AGK: variants seen among roughly 807,000 people sequenced by gnomAD.
AGK encodes acylglycerol kinase.
AGK carries 52 observed loss-of-function variants against 66.4 expected under a neutral mutation model. That is an observed-to-expected ratio of 0.78 (90% CI 0.63 to 0.99). AGK has a LOEUF of 0.99. Among genes scored for constraint, AGK ranks in the 50% least tolerant of loss-of-function variants. The pLI is 0.00. For synonymous variants in AGK, 182 were observed against 181.1 expected, an observed-to-expected ratio of 1.00 and a Z score of -0.04; for missense variants, 451 against 506.6, an observed-to-expected ratio of 0.89 and a Z score of 1.05.
chr7:141,570,426 A>T (rs918409961), intron 2 of AGK, among the ~76,000 whole-genome samples: 4 of 152,202 alleles, frequency 2.6e-5, no homozygotes, highest in African/African-American at 9.6e-5. Context: ...ATAAGGCACT[A>T]CTATGTGCTA....
At chr7:141,577,183 G>C (rs1795761621) in intron 2 of AGK, among the ~76,000 whole-genome samples, 2 of 152,180 alleles carry the variant, frequency 1.3e-5, no homozygotes, top group African/African-American at 4.8e-5. Flanking sequence ...AGCGGTGAGA[G>C]GGACAGGCCT....
chr7:141,568,146 G>A (rs1216212921), intron 2 of AGK, among the ~76,000 whole-genome samples: 1 of 152,188 alleles, frequency 6.6e-6, no homozygotes, highest in Non-Finnish European at 1.5e-5. Context: ...AGGGAGATGT[G>A]GATCTGCCAG....
At chr7:141,551,886 G>A (rs1382954696) in intron 1 of AGK, among the ~76,000 whole-genome samples, 2 of 152,184 alleles carry the variant, frequency 1.3e-5, no homozygotes, top group Non-Finnish European at 2.9e-5. Context: ...CCCATGAGGG[G>A]TTCACTATCT....
intron 11 of AGK, among the ~76,000 whole-genome samples, chr7:141,639,879 C>G (rs1213939250): frequency 6.6e-6 from 1 of 152,130 alleles, no homozygotes; most frequent in Non-Finnish European, 1.5e-5. Context: ...AATGACAAGG[C>G]TGATCCAGAA....
rs1797664254 is a variant in AGK, at chr7:141,655,097, TG to T, written c.*2175del. 6.6e-6 allele frequency: 1 copy of T among 152,256 alleles called. No homozygotes were observed. The highest frequency in any genetic ancestry group is 2.4e-5 in the African/African-American group (1 of 41,470). 9.4% of individuals were successfully genotyped at this position (152,256 alleles called of 1,614,324 possible). ...CAATATCAAGGACCAGTGCAGAATC[TG>T]GCTTTCTTTTCTGATAGGCTACCAG... is the stretch of plus-strand genomic sequence containing the variant. On this transcript the variant is annotated 3_prime_UTR_variant, in exon 16 of 16. Coordinates refer to ENST00000649286, the MANE Select transcript of AGK (RefSeq NM_018238.4).
chr7:141,640,476 G>C (rs71545331), intron 11 of AGK, among the ~76,000 whole-genome samples: 4,704 of 152,128 alleles, frequency 0.031, 115 homozygotes, highest in South Asian at 0.14. Flanking sequence ...TTGAGAACAG[G>C]GAAGCATTTC....
At chr7:141,578,729 G>C (rs2116892533) in intron 2 of AGK, among the ~76,000 whole-genome samples, 1 of 151,936 alleles carries the variant, frequency 6.6e-6, no homozygotes, top group East Asian at 1.9e-4. Flanking sequence ...TGATGGCCTG[G>C]ATGCAGTTTT....
chr7:141,612,861 G>A lies in AGK; in HGVS notation c.391-1285G>A, dbSNP rs141290823. 7.3e-3 allele frequency among the ~76,000 whole-genome samples: 1,118 copies of A among 152,206 alleles called. 20 individuals carry two copies. Among genetic ancestry groups the A allele is most frequent in the African/African-American group, 0.026 (1,063 of 41,522 alleles). ...AAGAGCCCAGTGCAGGTGATCCCAC[G>A]CACTGCTTAATTTTTCATTCCTGTA... On this transcript the variant is annotated intron_variant, in intron 6 of 15. Coordinates refer to ENST00000649286, the MANE Select transcript of AGK (RefSeq NM_018238.4).
chr7:141,589,003 T>C (rs1796051578), intron 2 of AGK, among the ~76,000 whole-genome samples: 1 of 152,162 alleles, frequency 6.6e-6, no homozygotes, highest in Non-Finnish European at 1.5e-5. Flanking sequence ...ATCAGCAAGG[T>C]CTTTATCAGC....
intron 2 of AGK, among the ~76,000 whole-genome samples, chr7:141,569,478 G>A (rs954347072): frequency 6.6e-6 from 1 of 152,150 alleles, no homozygotes; most frequent in Non-Finnish European, 1.5e-5. Flanking sequence ...AGGCTACAGT[G>A]AGCTGAGATC....
intron 2 of AGK, among the ~76,000 whole-genome samples, chr7:141,567,704 T>C (rs1795502122): frequency 6.6e-6 from 1 of 152,212 alleles, no homozygotes; most frequent in South Asian, 2.1e-4. Flanking sequence ...CTGGGGAAGA[T>C]TATGTTCCAG....
In AGK at chr7:141,601,185, A is replaced by G. The variant is rs755254666; in HGVS notation, c.222-20A>G. ...TGATAACCTGTGTTAAAATGTTTAT[A>G]TTTTTTCCTTTGTTAACAGAAAAGC... On this transcript the variant is annotated intron_variant, in intron 4 of 15. Transcript: ENST00000649286. 7.6e-6 allele frequency: 12 copies of G among 1,582,626 alleles called. No individual in the cohort carries two copies. The South Asian group carries it at 1.2e-4, about 16-fold the overall frequency.
intron 4 of AGK, chr7:141,596,858 A>C: frequency 1.9e-6 from 1 of 538,296 alleles, no homozygotes; most frequent in Non-Finnish European, 3.3e-6. Context: ...GAAGTTTAAT[A>C]ATCATTCCAT....
intron 13 of AGK, 190 bp from the exon 14 acceptor site, chr7:141,649,073 T>C: frequency 2.4e-6 from 1 of 411,432 alleles, no homozygotes; most frequent in Non-Finnish European, 4.2e-6. Flanking sequence ...CTATAAATTA[T>C]ACCTCAGTAA....
chr7:141,612,761 T>G (rs1796618682), intron 6 of AGK, among the ~76,000 whole-genome samples: 1 of 152,186 alleles, frequency 6.6e-6, no homozygotes, highest in Admixed American at 6.5e-5. Flanking sequence ...TTAAGGGCGG[T>G]AAGTATGTTA....
chr7:141,629,748 T>C (rs1562978835), intron 9 of AGK, among the ~76,000 whole-genome samples: 1 of 152,184 alleles, frequency 6.6e-6, no homozygotes, highest in Non-Finnish European at 1.5e-5. Context: ...CAAGGCTTTT[T>C]ATTTAATTCT....
At position 141,555,065 on chromosome 7, in the gene AGK, T is replaced by C. The variant is rs1795178434; in HGVS notation, c.-14-388T>C. 6.6e-6 allele frequency among the ~76,000 whole-genome samples: 1 copy of C among 152,194 alleles called. No homozygotes were observed. Among genetic ancestry groups the C allele is most frequent in the Non-Finnish European group, 1.5e-5 (1 of 68,030 alleles). On this transcript the variant is annotated intron_variant, in intron 1 of 15. Coordinates refer to ENST00000649286, the MANE Select transcript of AGK (RefSeq NM_018238.4). This position sits in a 1 kb window ranked among gnomAD's most constrained non-coding sequence, Gnocchi z 4.2. The stretch of plus-strand genomic sequence containing the variant: ...TTATGATGGATAGACAAATGTATAC[T>C]CTTAAACAGTGGTACAGTGAGGCTG...
At chr7:141,584,849 G>GTTAGAGT (rs1795963397) in intron 2 of AGK, among the ~76,000 whole-genome samples, 1 of 152,106 alleles carries the variant, frequency 6.6e-6, no homozygotes, top group South Asian at 2.1e-4. Context: ...CACTCTAAGG[G>GTTAGAGT]GCATTGAAAT....
intron 4 of AGK, among the ~76,000 whole-genome samples, chr7:141,600,045 C>T (rs1175823027): frequency 6.6e-6 from 1 of 152,112 alleles, no homozygotes; most frequent in African/African-American, 2.4e-5. Context: ...TCCTCATTAG[C>T]TGCCTTTGTA....
Sources: gnomAD v4.1 joint callset for allele counts (sites outside exome capture counted in the v4.1 genomes callset) on GRCh38, gnomAD v4.1.1 for gene constraint, Gnocchi (gnomAD v3.1) non-coding constraint, MANE v1.5 for transcripts, NCBI Gene and HGNC (gene_info 2026-07-23, HGNC 2026-07-21) for gene names.